PPP2R5E: variants seen among roughly 807,000 people sequenced by gnomAD.
PPP2R5E encodes the protein protein phosphatase 2 regulatory subunit B'epsilon.
PPP2R5E carries 4 observed loss-of-function variants against 65.3 expected under a neutral mutation model. The observed-to-expected ratio is 0.06, with a 90% CI of 0.03 to 0.14. The LOEUF (loss-of-function observed/expected upper bound fraction) is 0.14. Among genes scored for constraint, PPP2R5E ranks in the 10% least tolerant of loss-of-function variants. The pLI, the probability that PPP2R5E is intolerant of heterozygous loss-of-function variation, is 1.00. For synonymous variants in PPP2R5E, 183 were observed against 187.4 expected, an observed-to-expected ratio of 0.98 and a Z score of 0.19; for missense variants, 274 against 556.1, an observed-to-expected ratio of 0.49 and a Z score of 5.10.
intron 2 of PPP2R5E, among the ~76,000 whole-genome samples, chr14:63,522,836 G>A (rs1892997846): frequency 6.6e-6 from 1 of 151,262 alleles, no homozygotes; most frequent in African/African-American, 2.4e-5. Flanking sequence ...CGCCAGGCCA[G>A]CCGCCCCGTC....
intron 2 of PPP2R5E, among the ~76,000 whole-genome samples, chr14:63,538,292 GCT>G (rs1893756707): frequency 6.7e-6 from 1 of 149,776 alleles, no homozygotes; most frequent in East Asian, 2.0e-4. Flanking sequence ...ACAGAGTCTT[GCT>G]CTGTCACCCA....
At chr14:63,457,985 T>C (rs1350463653) in intron 2 of PPP2R5E, among the ~76,000 whole-genome samples, 1 of 152,182 alleles carries the variant, frequency 6.6e-6, no homozygotes, top group Non-Finnish European at 1.5e-5. Context: ...CCCCCTTATG[T>C]CTTTATATCA....
At chr14:63,485,413 T>A (rs1346978347) in intron 2 of PPP2R5E, among the ~76,000 whole-genome samples, 1 of 151,998 alleles carries the variant, frequency 6.6e-6, no homozygotes, top group African/African-American at 2.4e-5. Flanking sequence ...TTTTTGTTCG[T>A]TTTTTGGGGG....
chr14:63,408,796 T>C (rs1566680961), intron 5 of PPP2R5E, among the ~76,000 whole-genome samples: 2 of 152,194 alleles, frequency 1.3e-5, no homozygotes, highest in Admixed American at 6.5e-5. Flanking sequence ...AAAATGAAGA[T>C]TTTAAAATTA....
chr14:63,423,765 G>A (rs1566691227), intron 3 of PPP2R5E, among the ~76,000 whole-genome samples: 1 of 152,212 alleles, frequency 6.6e-6, no homozygotes, highest in Non-Finnish European at 1.5e-5. Context: ...CCTATTACGT[G>A]TACACACTGT....
intron 2 of PPP2R5E, among the ~76,000 whole-genome samples, chr14:63,469,619 G>A (rs775410470): frequency 3.3e-5 from 5 of 152,192 alleles, no homozygotes; most frequent in Non-Finnish European, 4.4e-5. Flanking sequence ...GCGTGAACCC[G>A]GGAGGCGGAG....
At chr14:63,457,938 A>G (rs1889222009) in intron 2 of PPP2R5E, among the ~76,000 whole-genome samples, 1 of 152,108 alleles carries the variant, frequency 6.6e-6, no homozygotes, top group Non-Finnish European at 1.5e-5. Context: ...TTCTCACTGC[A>G]CTGTACTTCT....
At chr14:63,444,829 A>G (rs1473463602) in intron 3 of PPP2R5E, among the ~76,000 whole-genome samples, 3 of 152,224 alleles carry the variant, frequency 2.0e-5, no homozygotes, top group African/African-American at 7.2e-5. Flanking sequence ...AGCAGAATGG[A>G]GCAAAGCCTA....
At position 63,484,388 on chromosome 14, in the gene PPP2R5E, A is replaced by ACACACAC. The variant is rs1566736534; in HGVS notation, c.158-30504_158-30503insGTGTGTG. Among the ~76,000 whole-genome samples, 726 of 124,476 alleles carry ACACACAC rather than the reference A, an allele frequency of 5.8e-3. 8 individuals carry two copies. The highest frequency in any genetic ancestry group is 0.021 in the African/African-American group (673 of 32,486). 81.7% of individuals were successfully genotyped at this position (124,476 alleles called of 152,430 possible). A position where few individuals can be genotyped will look rare whatever the true frequency, so the allele number is the denominator to read the frequency against. ...ACACACACACACACACACACACACA[A>ACACACAC]AGAATCGTATCAAGTGTAAAGAAGA... On this transcript the variant is annotated intron_variant, in intron 2 of 13. Transcript: ENST00000337537.
intron 2 of PPP2R5E, among the ~76,000 whole-genome samples, chr14:63,509,383 C>T (rs1297106693): frequency 6.7e-6 from 1 of 149,310 alleles, no homozygotes; most frequent in African/African-American, 2.5e-5. Flanking sequence ...AAGCGATTCT[C>T]GTGCCTTGGC....
intron 2 of PPP2R5E, among the ~76,000 whole-genome samples, chr14:63,518,543 C>A (rs531382383): frequency 6.6e-6 from 1 of 152,148 alleles, no homozygotes; most frequent in Non-Finnish European, 1.5e-5. Flanking sequence ...AGTGCCCACA[C>A]AGATTTTATT....
At chr14:63,407,550 ATTTT>A in intron 5 of PPP2R5E, among the ~76,000 whole-genome samples, 1 of 151,998 alleles carries the variant, frequency 6.6e-6, no homozygotes, top group South Asian at 2.1e-4. Flanking sequence ...ATATATGCTT[ATTTT>A]TTTTATATAA....
At chr14:63,515,246 G>C (rs2139707390) in intron 2 of PPP2R5E, among the ~76,000 whole-genome samples, 1 of 152,282 alleles carries the variant, frequency 6.6e-6, no homozygotes, top group African/African-American at 2.4e-5. Context: ...AAGTCAAACA[G>C]TATACACAAC....
At chr14:63,484,091 A>C (rs2139605623) in intron 2 of PPP2R5E, among the ~76,000 whole-genome samples, 1 of 151,984 alleles carries the variant, frequency 6.6e-6, no homozygotes, top group East Asian at 1.9e-4. Flanking sequence ...AAAAAAAAAA[A>C]AACTCCCAAG....
At chr14:63,518,482 G>T (rs138238133) in intron 2 of PPP2R5E, among the ~76,000 whole-genome samples, 1 of 152,088 alleles carries the variant, frequency 6.6e-6, no homozygotes, top group African/African-American at 2.4e-5. Context: ...GGCCTCAAGA[G>T]ATCCTCCCGT....
chr14:63,472,885 G>A (rs1284454726), intron 2 of PPP2R5E, among the ~76,000 whole-genome samples: 5 of 152,200 alleles, frequency 3.3e-5, no homozygotes, highest in African/African-American at 1.2e-4. Context: ...AGAAATGTGG[G>A]ACAGGAGCAA....
In PPP2R5E at chr14:63,374,698, GTTTT is replaced by G. The variant is rs1255560199; in HGVS notation, c.*1307_*1310del. On this transcript the variant is annotated 3_prime_UTR_variant, in exon 14 of 14. Transcript: ENST00000337537. ...TACAGCCCTAGATTTTGTTTTTTTTGTTTTTTTTTCTTAAACAATTTGGTCACGA... is the reference window on the plus strand; with the variant it reads ...TACAGCCCTAGATTTTGTTTTTTTTGTTTTTCTTAAACAATTTGGTCACGA... The G allele has an allele frequency of 1.9e-5, 2 of 105,352 alleles. No homozygotes were observed. The highest frequency in any genetic ancestry group is 1.9e-4 in the Admixed American group (2 of 10,704). 6.5% of individuals were successfully genotyped at this position (105,352 alleles called of 1,614,324 possible).
At chr14:63,438,425 C>T (rs1485009818) in intron 3 of PPP2R5E, among the ~76,000 whole-genome samples, 1 of 152,172 alleles carries the variant, frequency 6.6e-6, no homozygotes. Flanking sequence ...TAATAGATTT[C>T]CCAGAAGCAT....
chr14:63,425,596 T>C (rs1887289130), intron 3 of PPP2R5E, among the ~76,000 whole-genome samples: 1 of 152,250 alleles, frequency 6.6e-6, no homozygotes, highest in South Asian at 2.1e-4. Flanking sequence ...ATAAACTCTC[T>C]TACAGTGTCC....
Sources: gnomAD v4.1 joint callset for allele counts (sites outside exome capture counted in the v4.1 genomes callset) on GRCh38, gnomAD v4.1.1 for gene constraint, MANE v1.5 for transcripts, NCBI Gene and HGNC (gene_info 2026-07-23, HGNC 2026-07-21) for gene names.